DDX23: variants seen among roughly 807,000 people sequenced by gnomAD.
DDX23 encodes the protein probable ATP-dependent RNA helicase DDX23.
Under a neutral mutation model 102.7 loss-of-function variants are expected in DDX23, and 33 were observed. The observed-to-expected ratio is 0.32, with a 90% CI of 0.24 to 0.43. The LOEUF (loss-of-function observed/expected upper bound fraction) is 0.43, where lower values mean the gene tolerates loss of function less well. DDX23 is among the 20% of genes least tolerant of loss of function. The pLI is 1.00. For missense variants in DDX23, 549 were observed against 1,086.6 expected, an observed-to-expected ratio of 0.51 and a Z score of 6.96; for synonymous variants, 352 against 376.0, an observed-to-expected ratio of 0.94 and a Z score of 0.74.
In DDX23 at chr12:48,830,759, C is replaced by T. The variant is rs950259609; in HGVS notation, c.2240-67G>A. 3.5e-6 allele frequency: 5 copies of T among 1,447,044 alleles called. No homozygotes were observed. The African/African-American group carries it at 7.1e-5, about 20-fold the overall frequency. 89.6% of individuals were successfully genotyped at this position (1,447,044 alleles called of 1,614,324 possible). ...CCTGGGGAGCCGTGTCTGATGCCTC[C>T]ACTTCTAGAGGCATCCTTCCCACCC... is the stretch of plus-strand genomic sequence containing the variant. On this transcript the variant is annotated intron_variant, in intron 16 of 16. Coordinates refer to ENST00000308025, the MANE Select transcript of DDX23 (RefSeq NM_004818.3). This position sits in a 1 kb window ranked among gnomAD's most constrained non-coding sequence, Gnocchi z 4.9.
At chr12:48,837,098 G>A (rs1938476417) in intron 8 of DDX23, 61 bp from the exon 9 acceptor site, 8 of 1,606,248 alleles carry the variant, frequency 5.0e-6, no homozygotes. Flanking sequence ...AGGAAGGAAG[G>A]GCAGACTACT....
chr12:48,834,759 C>T (rs1938441155), intron 11 of DDX23: 1 of 311,460 alleles, frequency 3.2e-6, no homozygotes, highest in Non-Finnish European at 6.0e-6. Context: ...CATGGTGAAA[C>T]CCTGCCTCTA....
At chr12:48,840,639 G>A (rs1938535208) in intron 3 of DDX23, among the ~76,000 whole-genome samples, 2 of 148,702 alleles carry the variant, frequency 1.3e-5, no homozygotes, top group South Asian at 4.3e-4. Flanking sequence ...TGCAACCTCC[G>A]CCTCCTGGGT....
At chr12:48,843,217 T>C (rs1293896399) in intron 3 of DDX23, among the ~76,000 whole-genome samples, 2 of 150,650 alleles carry the variant, frequency 1.3e-5, no homozygotes, top group Non-Finnish European at 3.0e-5. Context: ...CACTTGTTTA[T>C]CTGCTGACCT....
intron 2 of DDX23, among the ~76,000 whole-genome samples, chr12:48,844,828 C>G (rs1013154529): frequency 6.6e-6 from 1 of 151,452 alleles, no homozygotes; most frequent in Non-Finnish European, 1.5e-5. Context: ...CCTGCAGGTC[C>G]AACTGGGCTA....
At position 48,832,853 on chromosome 12, in the gene DDX23, G is replaced by A. The variant is rs2137481224; in HGVS notation, c.1804-280C>T. On this transcript the variant is annotated intron_variant, in intron 13 of 16. Coordinates refer to ENST00000308025, the MANE Select transcript of DDX23 (RefSeq NM_004818.3). The surrounding 1 kb of genome is among the most constrained non-coding windows in gnomAD (Gnocchi z 4.4). ...TGAGTCTTTGGAATCGTTTTTCCAG[G>A]GCTAAGCTAAATGGCTCCACCCTTA... 2.0e-6 allele frequency: 1 copy of A among 492,240 alleles called. No homozygotes were observed. The highest frequency in any genetic ancestry group is 2.6e-5 in the South Asian group (1 of 38,112). The allele number at this position is 492,240 out of a possible 1,614,324, so 30.5% of individuals were successfully genotyped here. A position where few individuals can be genotyped will look rare whatever the true frequency, so the allele number is the denominator to read the frequency against.
Position 48,830,727 on chromosome 12 carries a change from C to T in DDX23, c.2240-35G>A. ...GGGAAGAACGTCACTCAGCATAGCC[C>T]AGATGCCCTGGGGAGCCGTGTCTGA... On this transcript the variant is annotated intron_variant, in intron 16 of 16. Coordinates refer to ENST00000308025, the MANE Select transcript of DDX23 (RefSeq NM_004818.3). This position sits in a 1 kb window ranked among gnomAD's most constrained non-coding sequence, Gnocchi z 4.9. The T allele has an allele frequency of 6.4e-7, 1 of 1,559,872 alleles. No homozygotes were observed. The highest frequency in any genetic ancestry group is 8.7e-7 in the Non-Finnish European group (1 of 1,151,688).
At position 48,836,513 on chromosome 12, in the gene DDX23, T is replaced by G; in HGVS notation, c.1236+56A>C. ...ATAGTCAAGGAACAAAGTTCTCTAT[T>G]CCCAAACTAGTGTAGGAACATGTCA... On this transcript the variant is annotated intron_variant, in intron 10 of 16. Coordinates refer to ENST00000308025, the MANE Select transcript of DDX23 (RefSeq NM_004818.3). The surrounding 1 kb of genome is among the most constrained non-coding windows in gnomAD (Gnocchi z 6.1). 1 of 1,548,832 alleles carries G rather than the reference T, an allele frequency of 6.5e-7. No individual in the cohort carries two copies. The highest frequency in any genetic ancestry group is 8.9e-7 in the Non-Finnish European group (1 of 1,127,394).
intron 13 of DDX23, 95 bp downstream of exon 13, chr12:48,833,182 G>C (rs911977130): frequency 2.6e-6 from 4 of 1,544,414 alleles, no homozygotes; most frequent in Admixed American, 3.8e-5. Context: ...ACGGAGTTTC[G>C]CCATGTTGCC....
At chr12:48,843,641 C>T (rs1239205951) in intron 3 of DDX23, among the ~76,000 whole-genome samples, 3 of 150,618 alleles carry the variant, frequency 2.0e-5, no homozygotes, top group Admixed American at 2.0e-4. Flanking sequence ...CTCCGCCTCC[C>T]GGGTTCACGC....
chr12:48,845,608 A>T lies in DDX23; in HGVS notation c.175T>A (p.Ser59Thr). ...GATTTGGAACGGGAACGAGAGCGAG[A>T]ACGGCTGCCTCCTCGACGTCTATCC... ...SRDRRRGGSR[S>T]RSRSRSKSAE... The change falls in exon 2 of 17, where the codon TCT becomes ACT. Residue 59 changes from serine to threonine, a missense_variant. Ser to Thr is a moderately conservative substitution (Grantham distance 58, BLOSUM62 1). Coordinates refer to ENST00000308025, the MANE Select transcript of DDX23 (RefSeq NM_004818.3). 1 of 1,614,230 alleles carries T rather than the reference A, an allele frequency of 6.2e-7. No individual in the cohort carries two copies. The highest frequency in any genetic ancestry group is 8.5e-7 in the Non-Finnish European group (1 of 1,180,042).
chr12:48,835,974 C>G (rs1241769082), intron 11 of DDX23, 147 bp downstream of exon 11: 1 of 940,642 alleles, frequency 1.1e-6, no homozygotes, highest in Non-Finnish European at 1.6e-6. Context: ...TCTTCGATAT[C>G]ATGATCCAAT....
intron 11 of DDX23, 78 bp from the exon 12 acceptor site, chr12:48,834,575 C>T: frequency 7.2e-7 from 1 of 1,392,078 alleles, no homozygotes; most frequent in East Asian, 2.3e-5. Flanking sequence ...GACAAAGTCA[C>T]TCTTACGGGG....
intron 3 of DDX23, among the ~76,000 whole-genome samples, chr12:48,841,457 C>G (rs111717983): frequency 7.0e-4 from 106 of 152,140 alleles, no homozygotes; most frequent in Non-Finnish European, 2.2e-4. Context: ...CCCCTCTCCC[C>G]TCTCCCCACG....
intron 12 of DDX23, 26 bp from the exon 13 acceptor site, chr12:48,833,545 T>C (rs764430796): frequency 6.8e-6 from 11 of 1,607,616 alleles, no homozygotes; most frequent in Non-Finnish European, 9.3e-6. Flanking sequence ...TAATCATTTA[T>C]AGCCCAGCAG....
At position 48,838,042 on chromosome 12, in the gene DDX23, A is replaced by G. The variant is rs1177181352; in HGVS notation, c.519T>C (p.Ala173=). The change falls in exon 6 of 17, where the codon GCT becomes GCC. Residue 173 remains alanine, a synonymous_variant. Coordinates refer to ENST00000308025, the MANE Select transcript of DDX23 (RefSeq NM_004818.3). ...FLSKAEREAE[A]LKRRQQEVEE... ...CCACCTCCTGCTGCCGTCGCTTTAGAGCTTCAGCCTCTCGTTCTGCTTTAG... is the reference window on the plus strand; with the variant it reads ...CCACCTCCTGCTGCCGTCGCTTTAGGGCTTCAGCCTCTCGTTCTGCTTTAG... 6.2e-7 allele frequency: 1 copy of G among 1,614,160 alleles called. No individual in the cohort carries two copies. The highest frequency in any genetic ancestry group is 8.5e-7 in the Non-Finnish European group (1 of 1,180,026).
chr12:48,841,999 G>T (rs1366026037), intron 3 of DDX23, among the ~76,000 whole-genome samples: 1 of 145,654 alleles, frequency 6.9e-6, no homozygotes, highest in African/African-American at 2.5e-5. Context: ...CGGCCGCCCC[G>T]TCTGAGAAGT....
chr12:48,833,186 TG>T (rs1938417307), intron 13 of DDX23, 90 bp downstream of exon 13: 2 of 1,560,002 alleles, frequency 1.3e-6, no homozygotes, highest in Admixed American at 3.7e-5. Context: ...AGTTTCGCCA[TG>T]TTGCCCAGGC....
intron 1 of DDX23, among the ~76,000 whole-genome samples, chr12:48,850,342 A>G (rs1592206614): frequency 6.6e-6 from 1 of 152,360 alleles, no homozygotes; most frequent in Admixed American, 6.5e-5. Context: ...GTGGTGCCAT[A>G]GCAAACAAAC....
Sources: gnomAD v4.1 joint callset for allele counts (sites outside exome capture counted in the v4.1 genomes callset) on GRCh38, gnomAD v4.1.1 for gene constraint, Gnocchi (gnomAD v3.1) non-coding constraint, MANE v1.5 for transcripts, NCBI Gene and HGNC (gene_info 2026-07-23, HGNC 2026-07-21) for gene names.